The following AIG1 variants were observed in gnomAD, a reference collection of about 807,000 sequenced individuals.
AIG1 encodes the protein androgen-induced gene 1 protein.
Under a neutral mutation model 31.4 loss-of-function variants are expected in AIG1, and 23 were observed. The observed-to-expected ratio is 0.73, with a 90% CI of 0.53 to 1.04. AIG1 has a LOEUF of 1.04. AIG1 is among the 50% of genes least tolerant of loss of function. The probability of loss-of-function intolerance (pLI) is 0.00; values close to 1 mark genes in which losing one functional copy is unlikely to be tolerated. For synonymous variants in AIG1, 100 were observed against 110.5 expected, an observed-to-expected ratio of 0.90 and a Z score of 0.60; for missense variants, 274 against 295.0, an observed-to-expected ratio of 0.93 and a Z score of 0.52.
At chr6:143,147,342 C>G (rs1336009906) in intron 2 of AIG1, among the ~76,000 whole-genome samples, 4 of 152,090 alleles carry the variant, frequency 2.6e-5, no homozygotes, top group Admixed American at 6.5e-5. Flanking sequence ...AGAAAAAATC[C>G]TAGACACAAA....
chr6:143,195,358 A>G (rs1027804630), intron 3 of AIG1, among the ~76,000 whole-genome samples: 8 of 152,220 alleles, frequency 5.3e-5, no homozygotes, highest in African/African-American at 1.9e-4. Context: ...TTTACCCTCT[A>G]GGAAATAAGA....
intron 4 of AIG1, among the ~76,000 whole-genome samples, chr6:143,302,153 CT>C (rs908371951): frequency 3.1e-4 from 43 of 138,436 alleles, no homozygotes; most frequent in East Asian, 6.2e-4. Context: ...GAGAATTCTA[CT>C]TTTTTTTTTC....
intron 3 of AIG1, among the ~76,000 whole-genome samples, chr6:143,229,052 G>A (rs1793233481): frequency 6.6e-6 from 1 of 152,332 alleles, no homozygotes; most frequent in South Asian, 2.1e-4. Context: ...AGCCAAAGGA[G>A]GCAGAATATG....
At chr6:143,187,541 G>A in intron 3 of AIG1, 1 of 1,535,978 alleles carries the variant, frequency 6.5e-7, no homozygotes, top group East Asian at 2.4e-5. Context: ...CACTGGGTAG[G>A]CCTGTAATAT....
At chr6:143,286,937 C>G (rs960062694) in intron 4 of AIG1, among the ~76,000 whole-genome samples, 1 of 151,804 alleles carries the variant, frequency 6.6e-6, no homozygotes, top group Admixed American at 6.6e-5. Context: ...CATTGAGCTC[C>G]CATTCTCGGT....
At chr6:143,188,936 T>C (rs1490984321) in intron 3 of AIG1, 4 of 983,928 alleles carry the variant, frequency 4.1e-6, no homozygotes, top group Middle Eastern at 5.2e-4. Flanking sequence ...AGCTCAAGCC[T>C]TCCAGACTCA....
intron 1 of AIG1, among the ~76,000 whole-genome samples, chr6:143,133,739 T>C (rs1783479381): frequency 6.6e-6 from 1 of 152,084 alleles, no homozygotes; most frequent in Admixed American, 6.5e-5. Context: ...TCATGGAGTT[T>C]TTAGGTGAAC....
At position 143,148,402 on chromosome 6, in the gene AIG1, G is replaced by T. The variant is rs551975425; in HGVS notation, c.297+11412G>T. On this transcript the variant is annotated intron_variant, in intron 2 of 5. Coordinates refer to ENST00000357847, the MANE Select transcript of AIG1 (RefSeq NM_016108.4). ...CACACGCCTGTAGTCCCAGCTACTT[G>T]GGAGGCTGAGCTGGGAGGATCCCTT... Among the ~76,000 whole-genome samples the T allele has an allele frequency of 3.0e-3, 461 of 152,030 alleles. 6 individuals are homozygous for T. The highest frequency in any genetic ancestry group is 0.011 in the African/African-American group (441 of 41,450).
chr6:143,317,814 A>G (rs1775890287), intron 4 of AIG1, among the ~76,000 whole-genome samples: 1 of 152,160 alleles, frequency 6.6e-6, no homozygotes, highest in East Asian at 1.9e-4. Flanking sequence ...TACAAAATCA[A>G]TCTACACAAA....
At chr6:143,237,146 A>C (rs931525305) in intron 3 of AIG1, among the ~76,000 whole-genome samples, 1 of 152,176 alleles carries the variant, frequency 6.6e-6, no homozygotes, top group Non-Finnish European at 1.5e-5. Context: ...TGATATTAAT[A>C]ATCTAATGCA....
At chr6:143,219,927 C>A (rs2876551) in intron 3 of AIG1, among the ~76,000 whole-genome samples, 33,058 of 152,008 alleles carry the variant, frequency 0.22, 4,363 homozygotes, top group African/African-American at 0.34. Context: ...TATGTCATGG[C>A]GTTTTCAGAA....
intron 1 of AIG1, among the ~76,000 whole-genome samples, chr6:143,078,605 A>G (rs940931469): frequency 3.3e-5 from 5 of 152,226 alleles, no homozygotes; most frequent in African/African-American, 1.2e-4. Context: ...CATGTCTTAC[A>G]TGGTGGCAGG....
chr6:143,227,433 G>A (rs941169117), intron 3 of AIG1, among the ~76,000 whole-genome samples: 39 of 152,158 alleles, frequency 2.6e-4, no homozygotes, highest in Admixed American at 1.5e-3. Flanking sequence ...GGAAGACTTC[G>A]GAAAGCACTA....
downstream of AIG1, chr6:143,342,215 G>A (rs1562611107): frequency 4.5e-6 from 3 of 664,654 alleles, no homozygotes; most frequent in East Asian, 2.9e-5. Flanking sequence ...GAGCCATTGC[G>A]CCCGTCCTAA....
intron 3 of AIG1, among the ~76,000 whole-genome samples, chr6:143,170,465 C>T (rs565121362): frequency 6.6e-6 from 1 of 151,950 alleles, no homozygotes; most frequent in Non-Finnish European, 1.5e-5. Context: ...CCTGATCCTT[C>T]GTATTTCTAT....
intron 1 of AIG1, among the ~76,000 whole-genome samples, chr6:143,066,470 A>G (rs1225721958): frequency 1.3e-5 from 2 of 151,992 alleles, no homozygotes; most frequent in Non-Finnish European, 2.9e-5. Flanking sequence ...ACAGGGTTTT[A>G]CTATGTTGGC....
At chr6:143,212,098 C>T (rs1295150615) in intron 3 of AIG1, among the ~76,000 whole-genome samples, 1 of 152,112 alleles carries the variant, frequency 6.6e-6, no homozygotes, top group Non-Finnish European at 1.5e-5. Flanking sequence ...CTGGCCTCTT[C>T]TTACCAGTAA....
At chr6:143,132,356 C>G (rs553376512) in intron 1 of AIG1, among the ~76,000 whole-genome samples, 6 of 152,220 alleles carry the variant, frequency 3.9e-5, no homozygotes, top group Non-Finnish European at 7.4e-5. Context: ...AAGTCTTTCA[C>G]CTTTGAGAGT....
rs188791980 is a variant in AIG1, at chr6:143,237,549, A to G, written c.400-46561A>G. Among the ~76,000 whole-genome samples the G allele has an allele frequency of 3.9e-5, 6 of 152,350 alleles. No homozygotes were observed. The East Asian group carries it at 1.2e-3, about 29-fold the overall frequency. On this transcript the variant is annotated intron_variant, in intron 3 of 5. Coordinates refer to ENST00000357847, the MANE Select transcript of AIG1 (RefSeq NM_016108.4). The stretch of plus-strand genomic sequence containing the variant: ...CAGAAAAGCAGGATATTTAGTATGT[A>G]TTACCAATATTTAGTATGCATGTCC...
Sources: allele counts gnomAD v4.1 joint callset (sites outside exome capture counted in the v4.1 genomes callset), GRCh38; gene constraint gnomAD v4.1.1; transcripts MANE v1.5; gene names NCBI Gene and HGNC (gene_info 2026-07-23, HGNC 2026-07-21).